The following CNNM4 variants were observed in gnomAD, a reference collection of about 807,000 sequenced individuals.
CNNM4 encodes cyclin and CBS domain divalent metal cation transport mediator 4.
CNNM4 carries 32 observed loss-of-function variants against 53.7 expected under a neutral mutation model. The observed-to-expected ratio is 0.60, with a 90% CI of 0.45 to 0.80. The LOEUF is 0.80. CNNM4 is among the 30% of genes least tolerant of loss of function. The pLI, the probability that CNNM4 is intolerant of heterozygous loss-of-function variation, is 0.00. For synonymous variants in CNNM4, 410 were observed against 440.0 expected (o/e 0.93, Z 0.85); for missense variants, 784 against 1,022.0 (o/e 0.77, Z 3.17).
intron 1 of CNNM4, among the ~76,000 whole-genome samples, chr2:96,770,203 G>A (rs1240761710): frequency 6.6e-6 from 1 of 152,228 alleles, no homozygotes; most frequent in Non-Finnish European, 1.5e-5. Flanking sequence ...GCTGTGCATC[G>A]AGGCCCTGAT....
chr2:96,765,229 C>T (rs545151834), intron 1 of CNNM4, among the ~76,000 whole-genome samples: 143 of 149,740 alleles, frequency 9.5e-4, no homozygotes, highest in Non-Finnish European at 1.4e-3. Context: ...CGGGTTAAAG[C>T]GATTCTTCTG....
At chr2:96,775,461 T>C (rs2078916074) in intron 1 of CNNM4, among the ~76,000 whole-genome samples, 2 of 152,222 alleles carry the variant, frequency 1.3e-5, no homozygotes, top group South Asian at 4.1e-4. Context: ...GACATTGCAT[T>C]GTTTGCAGTT....
intron 1 of CNNM4, among the ~76,000 whole-genome samples, chr2:96,772,111 G>A (rs2153345126): frequency 6.6e-6 from 1 of 152,072 alleles, no homozygotes; most frequent in Admixed American, 6.6e-5. Context: ...TCAGTGCAAG[G>A]AGGATCCCTC....
intron 1 of CNNM4, among the ~76,000 whole-genome samples, chr2:96,771,432 C>T (rs1574056204): frequency 6.6e-6 from 1 of 151,992 alleles, no homozygotes; most frequent in East Asian, 1.9e-4. Flanking sequence ...TGGCTGGATG[C>T]AGTGGTTCAC....
At chr2:96,790,800 A>G (rs1179344039) in intron 1 of CNNM4, among the ~76,000 whole-genome samples, 1 of 151,282 alleles carries the variant, frequency 6.6e-6, no homozygotes, top group Non-Finnish European at 1.5e-5. Context: ...CCTAGGGAAC[A>G]TGATAAAATC....
intron 1 of CNNM4, among the ~76,000 whole-genome samples, chr2:96,795,397 G>A (rs1356676107): frequency 6.6e-6 from 1 of 152,194 alleles, no homozygotes; most frequent in East Asian, 1.9e-4. Context: ...TGTCTAGCAA[G>A]ACGCTAAATG....
At position 96,809,499 on chromosome 2, in the gene CNNM4, C is replaced by T. The variant is rs970486546; in HGVS notation, c.2310C>T (p.Ser770=). The T allele has an allele frequency of 6.2e-7, 1 of 1,614,092 alleles. No individual in the cohort carries two copies. Among genetic ancestry groups the T allele is most frequent in the Non-Finnish European group, 8.5e-7 (1 of 1,180,040 alleles). Reference sequence around the variant, plus strand: ...GTAACTCCTTGCTGCACAAAGCCTCCCACGAGAATGCCATCTGACAGGAGG... The same window carrying T: ...GTAACTCCTTGCTGCACAAAGCCTCTCACGAGAATGCCATCTGACAGGAGG... The part of the protein sequence containing the change: ...NERNSLLHKA[S]HENAI Residue 770 remains serine (S), a synonymous_variant, in exon 7 of 7, where the codon TCC becomes TCT. Transcript: ENST00000377075.
intron 5 of CNNM4, among the ~76,000 whole-genome samples, chr2:96,806,863 A>G (rs1168643599): frequency 1.3e-5 from 2 of 152,160 alleles, no homozygotes; most frequent in African/African-American, 4.8e-5. Flanking sequence ...TACAACTCTT[A>G]TTCGAGATTC....
rs766235218 is a variant in CNNM4 at position 96,809,002 on chromosome 2, G to GTT, written c.2130+273_2130+274dup. ...ACTACAGGTGTGCATGTGGCTTCGG[G>GTT]TTTTTTTTTTTTTTCCCCTTATAGA... On this transcript the variant is annotated intron_variant, in intron 6 of 6. Transcript: ENST00000377075. 5.2e-3 allele frequency among the ~76,000 whole-genome samples: 740 copies of GTT among 142,248 alleles called. 6 individuals are homozygous for GTT. The highest frequency in any genetic ancestry group is 0.015 in the African/African-American group (592 of 38,844). The allele number at this position is 142,248 out of a possible 152,430, so 93.3% of individuals were successfully genotyped here. A position where few individuals can be genotyped will look rare whatever the true frequency, so the allele number is the denominator to read the frequency against.
intron 5 of CNNM4, among the ~76,000 whole-genome samples, chr2:96,805,895 C>G (rs974660676): frequency 1.1e-4 from 16 of 151,878 alleles, no homozygotes; most frequent in African/African-American, 3.9e-4. Context: ...CTTTTCCCCA[C>G]CTTTCCCGCC....
In CNNM4 at chr2:96,800,433, A is replaced by G. The variant is rs528412412; in HGVS notation, c.1948+785A>G. Reference sequence around the variant, plus strand: ...GGGGTACGAGCTGCAGCTCCCAGAGAACCTCTGTGCTGTGCCTCTCACTGT... The same window carrying G: ...GGGGTACGAGCTGCAGCTCCCAGAGGACCTCTGTGCTGTGCCTCTCACTGT... On this transcript the variant is annotated intron_variant, in intron 5 of 6. Coordinates refer to ENST00000377075, the MANE Select transcript of CNNM4 (RefSeq NM_020184.4). The surrounding 1 kb of genome is among the most constrained non-coding windows in gnomAD (Gnocchi z 4.6). Among the ~76,000 whole-genome samples, 1 of 152,330 alleles carries G rather than the reference A, an allele frequency of 6.6e-6. No homozygotes were observed. Among genetic ancestry groups the G allele is most frequent in the South Asian group, 2.1e-4 (1 of 4,830 alleles).
At chr2:96,786,506 CGGT>C (rs2079017618) in intron 1 of CNNM4, among the ~76,000 whole-genome samples, 1 of 151,438 alleles carries the variant, frequency 6.6e-6, no homozygotes, top group African/African-American at 2.4e-5. Context: ...TGGCCAGGTA[CGGT>C]GGCTCATGCC....
In CNNM4 at chr2:96,808,544, C is replaced by T. The variant is rs752162127; in HGVS notation, c.1949-17C>T. 1.9e-6 allele frequency: 3 copies of T among 1,613,748 alleles called. No individual in the cohort carries two copies. The highest frequency in any genetic ancestry group is 1.3e-5 in the African/African-American group (1 of 74,838). On this transcript the variant is annotated splice_polypyrimidine_tract_variant and intron_variant, in intron 5 of 6. Coordinates refer to ENST00000377075, the MANE Select transcript of CNNM4 (RefSeq NM_020184.4). This position sits in a 1 kb window ranked among gnomAD's most constrained non-coding sequence, Gnocchi z 4.9. ...TCGGAGTGGCCTTTGGCATGACAAC[C>T]TCTGCTCTCCCTGCAGACCGTTCCC...
At chr2:96,764,518 C>T (rs556677417) in intron 1 of CNNM4, among the ~76,000 whole-genome samples, 9 of 152,196 alleles carry the variant, frequency 5.9e-5, no homozygotes, top group South Asian at 2.1e-4. Context: ...ACAGGCCCTG[C>T]GGCTTTATGC....
At chr2:96,806,767 G>A (rs2153351356) in intron 5 of CNNM4, among the ~76,000 whole-genome samples, 1 of 152,126 alleles carries the variant, frequency 6.6e-6, no homozygotes, top group East Asian at 1.9e-4. Context: ...TCAAAAACAA[G>A]TTAATGATAT....
In CNNM4 at chr2:96,762,036, AGG is replaced by A; in HGVS notation, c.1038_1039del (p.Lys346AsnfsTer6). Reference sequence around the variant, plus strand: ...CGGGAGAAGCTGATGGAGATGTTGAAGGTGACGGAGCCCTATAATGACCTCGT... The same window carrying A: ...CGGGAGAAGCTGATGGAGATGTTGAATGACGGAGCCCTATAATGACCTCGT... On this transcript the variant is annotated frameshift_variant, in exon 1 of 7. Coordinates refer to ENST00000377075, the MANE Select transcript of CNNM4 (RefSeq NM_020184.4). LOFTEE classifies it high-confidence loss of function. 6.2e-7 allele frequency: 1 copy of A among 1,614,136 alleles called. No homozygotes were observed. The highest frequency in any genetic ancestry group is 8.5e-7 in the Non-Finnish European group (1 of 1,180,042).
chr2:96,788,305 C>G (rs1287037882), intron 1 of CNNM4, among the ~76,000 whole-genome samples: 1 of 148,848 alleles, frequency 6.7e-6, no homozygotes, highest in Non-Finnish European at 1.5e-5. Context: ...CAGAGTCTAG[C>G]GAGTATAGAG....
intron 5 of CNNM4, 148 bp downstream of exon 5, chr2:96,799,796 C>G (rs1574081239): frequency 1.3e-6 from 1 of 742,420 alleles, no homozygotes; most frequent in Non-Finnish European, 2.4e-6. Context: ...GCCGCCAGGG[C>G]CTGGAGCGGG....
rs1388987417 is a variant in CNNM4, at chr2:96,797,568, C to T, written c.1602C>T (p.Ala534=). 1 of 1,614,128 alleles carries T rather than the reference C, an allele frequency of 6.2e-7. No homozygotes were observed. Among genetic ancestry groups the T allele is most frequent in the African/African-American group, 1.3e-5 (1 of 74,952 alleles). ...VSEKNKRDFS[A]FKDADNELKV... is the part of the protein sequence containing the mutation. ...AGAAGAACAAGCGTGACTTCTCTGC[C>T]TTCAAGGATGCGGACAATGAGCTCA... Residue 534 remains alanine (A), a synonymous_variant, in exon 3 of 7, where the codon GCC becomes GCT. Coordinates refer to ENST00000377075, the MANE Select transcript of CNNM4 (RefSeq NM_020184.4). This position sits in a 1 kb window ranked among gnomAD's most constrained non-coding sequence, Gnocchi z 6.0.
Sources: gnomAD v4.1 joint callset for allele counts (sites outside exome capture counted in the v4.1 genomes callset) on GRCh38, gnomAD v4.1.1 for gene constraint, Gnocchi (gnomAD v3.1) non-coding constraint, MANE v1.5 for transcripts, NCBI Gene and HGNC (gene_info 2026-07-23, HGNC 2026-07-21) for gene names.